Variants in ZNF711 observed in about 807,000 individuals in gnomAD.
ZNF711 encodes ZFX family zinc finger ZNF711.
ZNF711 carries 3 observed loss-of-function variants against 43.5 expected under a neutral mutation model. The observed-to-expected ratio is 0.07, with a 90% CI of 0.03 to 0.18. The LOEUF is 0.18. ZNF711 is among the 10% of genes least tolerant of loss of function. The probability of loss-of-function intolerance (pLI) is 1.00; values close to 1 mark genes in which losing one functional copy is unlikely to be tolerated. For missense variants in ZNF711, 412 were observed against 604.0 expected, an observed-to-expected ratio of 0.68 and a Z score of 3.33; for synonymous variants, 209 against 207.7, an observed-to-expected ratio of 1.01 and a Z score of -0.06.
chrX:85,261,808 C>G lies in ZNF711; in HGVS notation c.623-2467C>G, dbSNP rs200857622. Among the ~76,000 whole-genome samples, 15 of 110,914 alleles carry G rather than the reference C, an allele frequency of 1.4e-4. No individual in the cohort carries two copies. In the East Asian group the frequency reaches 3.4e-3, roughly 25 times the overall value. Reference sequence around the variant, plus strand: ...CTTATTGCTGGATTGAGAAACAACACTATTGGACTTGAATATTGCATACCT... The same window carrying G: ...CTTATTGCTGGATTGAGAAACAACAGTATTGGACTTGAATATTGCATACCT... On this transcript the variant is annotated intron_variant, in intron 5 of 10. Transcript: ENST00000674551.
At chrX:85,258,310 A>G (rs1162898755) in intron 5 of ZNF711, among the ~76,000 whole-genome samples, 1 of 110,834 alleles carries the variant, frequency 9.0e-6, no homozygotes, top group Non-Finnish European at 1.9e-5. Context: ...TCTCTCATAT[A>G]TGGGAGCTAA....
At chrX:85,270,265 A>G (rs1159239741) in intron 10 of ZNF711, 119 bp downstream of exon 10, 2 of 677,397 alleles carry the variant, frequency 3.0e-6, no homozygotes, top group Non-Finnish European at 2.1e-6. Context: ...CTGTTTGTGT[A>G]TGCTATAGAT....
Position 85,245,924 on chromosome X carries a change from A to C in ZNF711, c.-384A>C, listed in dbSNP as rs1157583107. The C allele has an allele frequency of 8.9e-6, 1 of 112,281 alleles. No individual in the cohort carries two copies. Among genetic ancestry groups the C allele is most frequent in the Non-Finnish European group, 1.9e-5 (1 of 53,215 alleles). The allele number at this position is 112,281 out of a possible 1,213,427, so 9.3% of individuals were successfully genotyped here. ...ATAGGTAAAGAGAGCGTTTTCCCAAAGAAAATAACATAGCACAGAAGGAAA... is the reference window on the plus strand; with the variant it reads ...ATAGGTAAAGAGAGCGTTTTCCCAACGAAAATAACATAGCACAGAAGGAAA... On this transcript the variant is annotated 5_prime_UTR_variant, in exon 2 of 11. Coordinates refer to ENST00000674551, the MANE Select transcript of ZNF711 (RefSeq NM_001330574.2).
intron 4 of ZNF711, among the ~76,000 whole-genome samples, chrX:85,254,773 G>C (rs1929952772): frequency 1.0e-5 from 1 of 98,368 alleles, no homozygotes; most frequent in Non-Finnish European, 2.0e-5. Context: ...CCGCACTCCA[G>C]CCCGGGCGAT....
chrX:85,249,795 G>C (rs187684544), intron 4 of ZNF711, among the ~76,000 whole-genome samples: 1 of 110,967 alleles, frequency 9.0e-6, no homozygotes, highest in East Asian at 2.8e-4. Context: ...ACCATCACTA[G>C]TACCTAGTTT....
intron 4 of ZNF711, among the ~76,000 whole-genome samples, chrX:85,254,988 T>G (rs1203810090): frequency 9.0e-6 from 1 of 111,399 alleles, no homozygotes; most frequent in Non-Finnish European, 1.9e-5. Context: ...TGATATCTCA[T>G]TATGGCTTTT....
At chrX:85,250,596 A>G (rs954337935) in intron 4 of ZNF711, among the ~76,000 whole-genome samples, 3 of 111,448 alleles carry the variant, frequency 2.7e-5, no homozygotes, top group Admixed American at 1.9e-4. Context: ...CAAATGATGC[A>G]TTCTTTTTAA....
At chrX:85,246,221 G>A (rs910916263) in intron 2 of ZNF711, among the ~76,000 whole-genome samples, 199 bp downstream of exon 2, 4 of 112,012 alleles carry the variant, frequency 3.6e-5, no homozygotes, top group Non-Finnish European at 7.5e-5. Flanking sequence ...TAACACACAG[G>A]TAGTTTATTG....
chrX:85,259,362 T>C (rs1261174983), intron 5 of ZNF711, among the ~76,000 whole-genome samples: 2 of 111,549 alleles, frequency 1.8e-5, no homozygotes, highest in Non-Finnish European at 3.8e-5. Flanking sequence ...TTCTTTTTGC[T>C]TAGGGTTATT....
At chrX:85,246,646 A>G (rs1929073731) in intron 2 of ZNF711, among the ~76,000 whole-genome samples, 1 of 112,321 alleles carries the variant, frequency 8.9e-6, no homozygotes, top group African/African-American at 3.2e-5. Context: ...TGATTTACTT[A>G]GAATCTTATG....
chrX:85,264,997 C>G, intron 6 of ZNF711, 121 bp from the exon 7 acceptor site: 1 of 662,044 alleles, frequency 1.5e-6, no homozygotes, highest in Non-Finnish European at 2.3e-6. Flanking sequence ...GTTCTTGGCA[C>G]TTTGAAATTT....
intron 4 of ZNF711, among the ~76,000 whole-genome samples, chrX:85,254,725 C>T (rs1185800414): frequency 2.0e-5 from 2 of 100,329 alleles, no homozygotes; most frequent in Admixed American, 2.2e-4. Flanking sequence ...TGGCGTGAAC[C>T]CGGGAGGTGG....
In ZNF711 at chrX:85,271,624, T is replaced by C; in HGVS notation, c.2220T>C (p.His740=). 1 of 1,210,503 alleles carries C rather than the reference T, an allele frequency of 8.3e-7. No individual in the cohort carries two copies. The highest frequency in any genetic ancestry group is 1.1e-6 in the Non-Finnish European group (1 of 894,800). The change falls in exon 11 of 11, where the codon CAT becomes CAC. Residue 740 remains histidine, a synonymous_variant. Coordinates refer to ENST00000674551, the MANE Select transcript of ZNF711 (RefSeq NM_001330574.2). ...GFRQQNELKK[H]MKTHTGRKIY... Reference sequence around the variant, plus strand: ...GACAACAAAATGAGCTAAAAAAACATATGAAGACCCATACTGGAAGGAAGA... The same window carrying C: ...GACAACAAAATGAGCTAAAAAAACACATGAAGACCCATACTGGAAGGAAGA...
At position 85,271,923 on chromosome X, in the gene ZNF711, A is replaced by G. The variant is rs1340345452; in HGVS notation, c.*95A>G. On this transcript the variant is annotated 3_prime_UTR_variant, in exon 11 of 11. Coordinates refer to ENST00000674551, the MANE Select transcript of ZNF711 (RefSeq NM_001330574.2). ...CTGTCTCACCGGGTTTCAAAGCTTG[A>G]TACTAAACCATGACTTTACATTCTT... 1.7e-5 allele frequency: 11 copies of G among 663,036 alleles called. No individual in the cohort carries two copies. In the Admixed American group the frequency reaches 1.9e-4, roughly 12 times the overall value. 54.6% of individuals were successfully genotyped at this position (663,036 alleles called of 1,213,427 possible). A position where few individuals can be genotyped will look rare whatever the true frequency, so the allele number is the denominator to read the frequency against.
At chrX:85,247,709 A>G in intron 4 of ZNF711, 58 bp downstream of exon 4, 1 of 970,041 alleles carries the variant, frequency 1.0e-6, no homozygotes, top group African/African-American at 1.9e-5. Context: ...GATAATAAAA[A>G]TCAAAAATAA....
At chrX:85,266,137 C>T (rs1350828093) in intron 7 of ZNF711, among the ~76,000 whole-genome samples, 1 of 110,954 alleles carries the variant, frequency 9.0e-6, no homozygotes, top group Non-Finnish European at 1.9e-5. Flanking sequence ...AGGCTAAGAG[C>T]CTCCATTTCA....
rs1180833802 is a variant in ZNF711 at position 85,252,685 on chromosome X, A to G, written c.80-2574A>G. 2.7e-5 allele frequency among the ~76,000 whole-genome samples: 3 copies of G among 111,475 alleles called. No homozygotes were observed. In the Admixed American group the frequency reaches 2.9e-4, roughly 11 times the overall value. ...TTCTGAAATGCCCAGTGGAGTAACA[A>G]CTGAATTAAAAATACTTGTTTTATA... On this transcript the variant is annotated intron_variant, in intron 4 of 10. Transcript: ENST00000674551.
At chrX:85,253,701 C>T (rs1361876171) in intron 4 of ZNF711, among the ~76,000 whole-genome samples, 1 of 108,965 alleles carries the variant, frequency 9.2e-6, no homozygotes, top group African/African-American at 3.4e-5. Flanking sequence ...TGTGTAAATA[C>T]CACCACAATG....
In ZNF711 at chrX:85,269,674, C is replaced by A. The variant is rs1015721426; in HGVS notation, c.1103-329C>A. On this transcript the variant is annotated intron_variant, in intron 9 of 10. Coordinates refer to ENST00000674551, the MANE Select transcript of ZNF711 (RefSeq NM_001330574.2). Reference sequence around the variant, plus strand: ...CAGGTGTGGGCCATCATGCCCACCCCAAATCCACTTTCTTATATTACATTC... The same window carrying A: ...CAGGTGTGGGCCATCATGCCCACCCAAAATCCACTTTCTTATATTACATTC... 1.3e-4 allele frequency among the ~76,000 whole-genome samples: 14 copies of A among 111,528 alleles called. No individual in the cohort carries two copies. The Admixed American group carries it at 1.3e-3, about 11-fold the overall frequency.
Sources: allele counts gnomAD v4.1 joint callset (sites outside exome capture counted in the v4.1 genomes callset), GRCh38; gene constraint gnomAD v4.1.1; transcripts MANE v1.5; gene names NCBI Gene and HGNC (gene_info 2026-07-23, HGNC 2026-07-21).